RAD51B: variants seen among roughly 807,000 people sequenced by gnomAD.
RAD51B encodes the protein DNA repair protein RAD51 homolog 2.
A neutral mutation model predicts 42.2 loss-of-function variants in RAD51B; 38 were observed. That is an observed-to-expected ratio of 0.90 (90% CI 0.70 to 1.18). The LOEUF (loss-of-function observed/expected upper bound fraction) is 1.18. RAD51B is among the 50% of genes most tolerant of loss of function. The pLI is 0.00. For missense variants in RAD51B, 373 were observed against 400.7 expected (o/e 0.93, Z 0.59); for synonymous variants, 154 against 145.2 (o/e 1.06, Z -0.43).
chr14:68,311,062 C>A (rs2081958747), intron 8 of RAD51B, among the ~76,000 whole-genome samples: 1 of 151,894 alleles, frequency 6.6e-6, no homozygotes, highest in Admixed American at 6.6e-5. Context: ...TTGTTAACTG[C>A]AGTCCAACAT....
At chr14:68,497,924 T>C (rs1884653402) in intron 10 of RAD51B, 1 of 189,710 alleles carries the variant, frequency 5.3e-6, no homozygotes, top group African/African-American at 2.3e-5. Context: ...AGTGGTCATT[T>C]GGGCTGGTTC....
intron 7 of RAD51B, among the ~76,000 whole-genome samples, chr14:68,221,568 G>A (rs2079927869): frequency 6.6e-6 from 1 of 152,154 alleles, no homozygotes; most frequent in African/African-American, 2.4e-5. Context: ...TTAAAGACCT[G>A]AAACCATAAA....
chr14:68,525,931 C>T (rs569331594), intron 10 of RAD51B, among the ~76,000 whole-genome samples: 1 of 152,280 alleles, frequency 6.6e-6, no homozygotes, highest in African/African-American at 2.4e-5. Context: ...TTCTTCTGTC[C>T]TCCACCATTC....
chr14:68,605,408 T>C (rs1219796791), intron 10 of RAD51B, among the ~76,000 whole-genome samples: 1 of 152,220 alleles, frequency 6.6e-6, no homozygotes, highest in African/African-American at 2.4e-5. Flanking sequence ...AAGGAGGGAA[T>C]CAATTTTTAT....
intron 7 of RAD51B, among the ~76,000 whole-genome samples, chr14:68,289,311 T>A (rs2081472407): frequency 6.6e-6 from 1 of 152,182 alleles, no homozygotes; most frequent in Non-Finnish European, 1.5e-5. Flanking sequence ...AAAAATTCTA[T>A]GAGATAGATA....
At chr14:68,579,212 T>C (rs1890103512) in intron 10 of RAD51B, among the ~76,000 whole-genome samples, 1 of 152,184 alleles carries the variant, frequency 6.6e-6, no homozygotes, top group South Asian at 2.1e-4. Context: ...GCACCTAGTA[T>C]TCTGTTTCAA....
intron 7 of RAD51B, among the ~76,000 whole-genome samples, chr14:68,039,384 C>T (rs890377455): frequency 6.2e-5 from 9 of 146,292 alleles, no homozygotes; most frequent in African/African-American, 1.8e-4. Flanking sequence ...GCCATTATGG[C>T]GCCACTGCAC....
At chr14:67,877,469 C>T (rs1487800076) in intron 5 of RAD51B, among the ~76,000 whole-genome samples, 1 of 151,986 alleles carries the variant, frequency 6.6e-6, no homozygotes, top group Non-Finnish European at 1.5e-5. Flanking sequence ...TTCAGTAATG[C>T]CTGTTTGACA....
At chr14:68,545,902 A>T (rs1212021362) in intron 10 of RAD51B, among the ~76,000 whole-genome samples, 1 of 152,176 alleles carries the variant, frequency 6.6e-6, no homozygotes, top group African/African-American at 2.4e-5. Context: ...GAGCCTCTGA[A>T]GGTCTTTCTA....
intron 8 of RAD51B, among the ~76,000 whole-genome samples, chr14:68,318,332 C>T (rs1033149339): frequency 6.6e-6 from 1 of 152,032 alleles, no homozygotes; most frequent in Non-Finnish European, 1.5e-5. Flanking sequence ...TGGTTGCTAA[C>T]CTTTGAAAGA....
chr14:67,982,839 A>G (rs993541204), intron 7 of RAD51B, among the ~76,000 whole-genome samples: 2 of 152,164 alleles, frequency 1.3e-5, no homozygotes, highest in East Asian at 1.9e-4. Flanking sequence ...TGAGGCAGGA[A>G]GATCACTTGA....
intron 8 of RAD51B, among the ~76,000 whole-genome samples, chr14:68,344,852 C>T (rs2082643513): frequency 6.9e-6 from 1 of 145,586 alleles, no homozygotes; most frequent in Admixed American, 7.4e-5. Context: ...GAGGCTGAGG[C>T]AGGAGAATGG....
At chr14:68,363,072 T>C (rs1031926310) in intron 8 of RAD51B, among the ~76,000 whole-genome samples, 1 of 152,162 alleles carries the variant, frequency 6.6e-6, no homozygotes, top group Non-Finnish European at 1.5e-5. Context: ...CCAGCTACTT[T>C]CAAATCGCAG....
At chr14:67,879,741 C>T (rs2042847169) in intron 5 of RAD51B, among the ~76,000 whole-genome samples, 8 of 152,178 alleles carry the variant, frequency 5.3e-5, no homozygotes. Flanking sequence ...CTAATATCTG[C>T]TTCTGCATTC....
chr14:68,253,050 T>A (rs1005797388), intron 7 of RAD51B, among the ~76,000 whole-genome samples: 1 of 150,348 alleles, frequency 6.7e-6, no homozygotes, highest in Non-Finnish European at 1.5e-5. Flanking sequence ...GCCATTGCAC[T>A]CTAGCCTGGG....
At chr14:68,606,466 A>G (rs936929890) in intron 10 of RAD51B, among the ~76,000 whole-genome samples, 1 of 152,192 alleles carries the variant, frequency 6.6e-6, no homozygotes, top group African/African-American at 2.4e-5. Context: ...CTTCTACAAT[A>G]TCACCATCTT....
intron 4 of RAD51B, among the ~76,000 whole-genome samples, chr14:67,836,343 G>A (rs1203951098): frequency 6.6e-6 from 1 of 152,210 alleles, no homozygotes; most frequent in Non-Finnish European, 1.5e-5. Flanking sequence ...CCCCAGGTGA[G>A]TGGTCTTGAA....
At chr14:67,916,811 A>G (rs1176862088) in intron 7 of RAD51B, among the ~76,000 whole-genome samples, 1 of 152,182 alleles carries the variant, frequency 6.6e-6, no homozygotes, top group African/African-American at 2.4e-5. Context: ...TCACTCTTCT[A>G]TGTGTTGGGG....
At chr14:68,180,506 T>C (rs1381766330) in intron 7 of RAD51B, among the ~76,000 whole-genome samples, 1 of 152,296 alleles carries the variant, frequency 6.6e-6, no homozygotes, top group East Asian at 1.9e-4. Flanking sequence ...TGTTGAGTGC[T>C]TTACTACATT....
Sources: allele counts gnomAD v4.1 joint callset (sites outside exome capture counted in the v4.1 genomes callset), GRCh38; gene constraint gnomAD v4.1.1; transcripts MANE v1.5; gene names NCBI Gene and HGNC (gene_info 2026-07-23, HGNC 2026-07-21).